Variants in MAL2 observed in about 807,000 individuals in gnomAD.
MAL2 encodes the protein mal, T cell differentiation protein 2, also known as protein MAL2.
Under a neutral mutation model 18.1 loss-of-function variants are expected in MAL2, and 17 were observed. The observed-to-expected ratio is 0.94, with a 90% CI of 0.64 to 1.41. MAL2 has a LOEUF of 1.41. Ranked by LOEUF, MAL2 falls within the 40% of genes most tolerant of loss-of-function variation. The pLI is 0.00. For missense variants in MAL2, 222 were observed against 231.9 expected, an observed-to-expected ratio of 0.96 and a Z score of 0.28; for synonymous variants, 102 against 102.3, an observed-to-expected ratio of 1.00 and a Z score of 0.02.
At chr8:119,220,093 G>A (rs1208383887) in intron 1 of MAL2, among the ~76,000 whole-genome samples, 1 of 152,196 alleles carries the variant, frequency 6.6e-6, no homozygotes, top group Admixed American at 6.5e-5. Flanking sequence ...GATCACAAAT[G>A]GCTTGGAATG....
At chr8:119,241,174 T>C (rs1468416239) in intron 3 of MAL2, among the ~76,000 whole-genome samples, 1 of 152,142 alleles carries the variant, frequency 6.6e-6, no homozygotes, top group African/African-American at 2.4e-5. Context: ...GACAGGAATA[T>C]TTCATGTAAG....
intron 2 of MAL2, among the ~76,000 whole-genome samples, chr8:119,226,575 C>T (rs1817600532): frequency 6.6e-6 from 1 of 151,768 alleles, no homozygotes; most frequent in South Asian, 2.1e-4. Flanking sequence ...GTGGGCAGTG[C>T]TCTGGGGTGT....
intron 1 of MAL2, chr8:119,215,597 C>T (rs568041795): frequency 3.9e-5 from 6 of 152,248 alleles, no homozygotes; most frequent in South Asian, 4.1e-4. Flanking sequence ...GTGGAAGCAC[C>T]GAGGGATGGC....
In MAL2 at chr8:119,208,456, G is replaced by T; in HGVS notation, c.-17G>T. 1 of 1,223,346 alleles carries T rather than the reference G, an allele frequency of 8.2e-7. No homozygotes were observed. The allele number at this position is 1,223,346 out of a possible 1,614,324, so 75.8% of individuals were successfully genotyped here. A position where few individuals can be genotyped will look rare whatever the true frequency, so the allele number is the denominator to read the frequency against. ...GGCGGCGGCGGCGCGCGGAGACGCA[G>T]CAGCGGCAGCGGCAGCATGTCGGCC... On this transcript the variant is annotated 5_prime_UTR_variant, in exon 1 of 4. Transcript: ENST00000614891. The surrounding 1 kb of genome is among the most constrained non-coding windows in gnomAD (Gnocchi z 4.3).
At chr8:119,216,011 T>C (rs1817347116) in intron 1 of MAL2, among the ~76,000 whole-genome samples, 1 of 152,170 alleles carries the variant, frequency 6.6e-6, no homozygotes, top group Non-Finnish European at 1.5e-5. Context: ...TTTTTTTTTC[T>C]AGCTGATAAA....
intron 2 of MAL2, among the ~76,000 whole-genome samples, chr8:119,235,183 G>A (rs1453694041): frequency 2.6e-5 from 4 of 152,172 alleles, no homozygotes; most frequent in Non-Finnish European, 4.4e-5. Flanking sequence ...AGGAGCGAAT[G>A]CGATCAACTG....
intron 2 of MAL2, among the ~76,000 whole-genome samples, chr8:119,235,466 C>A (rs1193619782): frequency 6.6e-6 from 1 of 151,738 alleles, no homozygotes; most frequent in African/African-American, 2.4e-5. Flanking sequence ...AGATACTCCT[C>A]GAGAAGAGCA....
intron 2 of MAL2, among the ~76,000 whole-genome samples, chr8:119,234,172 C>T (rs1817813017): frequency 6.6e-6 from 1 of 152,204 alleles, no homozygotes; most frequent in Admixed American, 6.5e-5. Flanking sequence ...AGAGAGTTCC[C>T]TTTCCGAGTC....
At chr8:119,234,166 A>G (rs1817812701) in intron 2 of MAL2, among the ~76,000 whole-genome samples, 1 of 152,192 alleles carries the variant, frequency 6.6e-6, no homozygotes, top group African/African-American at 2.4e-5. Context: ...GGGGTCAGAG[A>G]GTTCCCTTTC....
intron 1 of MAL2, among the ~76,000 whole-genome samples, chr8:119,211,451 C>T (rs1369760017): frequency 1.3e-5 from 2 of 152,180 alleles, no homozygotes; most frequent in Non-Finnish European, 1.5e-5. Context: ...ACTGGGCTAT[C>T]AACAGTTGAC....
intron 2 of MAL2, among the ~76,000 whole-genome samples, chr8:119,238,894 A>G (rs1360481259): frequency 6.6e-6 from 1 of 151,888 alleles, no homozygotes; most frequent in Non-Finnish European, 1.5e-5. Flanking sequence ...AAACACCAAA[A>G]GCAATGGCAA....
chr8:119,240,981 ATTG>A (rs1473903677), intron 3 of MAL2, among the ~76,000 whole-genome samples: 1 of 152,192 alleles, frequency 6.6e-6, no homozygotes, highest in East Asian at 1.9e-4. Flanking sequence ...GTTAGAGATC[ATTG>A]TTAAGATGTC....
chr8:119,232,310 G>A (rs1446719408), intron 2 of MAL2, among the ~76,000 whole-genome samples: 1 of 152,042 alleles, frequency 6.6e-6, no homozygotes, highest in Non-Finnish European at 1.5e-5. Context: ...GTTAATATTT[G>A]TCTGGCTTCA....
chr8:119,208,711 T>C lies in MAL2; in HGVS notation c.132+107T>C. The C allele has an allele frequency of 8.3e-7, 1 of 1,209,888 alleles. No individual in the cohort carries two copies. The highest frequency in any genetic ancestry group is 1.0e-6 in the Non-Finnish European group (1 of 973,116). 74.9% of individuals were successfully genotyped at this position (1,209,888 alleles called of 1,614,324 possible). On this transcript the variant is annotated intron_variant, in intron 1 of 3. Transcript: ENST00000614891. This position sits in a 1 kb window ranked among gnomAD's most constrained non-coding sequence, Gnocchi z 4.3. ...TGCGTCCGCCCCCGGCCTCCTTCCC[T>C]TCGACGTGGCTTTGTCCTGCGCTCC...
chr8:119,208,674 G>T lies in MAL2; in HGVS notation c.132+70G>T, dbSNP rs938490268. ...AGGCGGCGGCATCCTTGTCCCCCGG[G>T]CTGTCTTCCTCTGCGTCCGCCCCCG... On this transcript the variant is annotated intron_variant, in intron 1 of 3. Transcript: ENST00000614891. The surrounding 1 kb of genome is among the most constrained non-coding windows in gnomAD (Gnocchi z 4.3). The T allele has an allele frequency of 1.5e-5, 19 of 1,233,946 alleles. No individual in the cohort carries two copies. The highest frequency in any genetic ancestry group is 1.8e-5 in the Non-Finnish European group (18 of 986,666). The allele number at this position is 1,233,946 out of a possible 1,614,324, so 76.4% of individuals were successfully genotyped here.
At chr8:119,234,686 C>G (rs1817835279) in intron 2 of MAL2, among the ~76,000 whole-genome samples, 1 of 151,806 alleles carries the variant, frequency 6.6e-6, no homozygotes, top group African/African-American at 2.4e-5. Context: ...GAGGCACCCC[C>G]CAGCAGGGGC....
At chr8:119,213,256 T>G (rs907183778) in intron 1 of MAL2, among the ~76,000 whole-genome samples, 49 of 152,174 alleles carry the variant, frequency 3.2e-4, no homozygotes, top group African/African-American at 1.2e-3. Context: ...GGAGGGACTT[T>G]AGGGGAGGCA....
intron 2 of MAL2, among the ~76,000 whole-genome samples, chr8:119,222,559 G>A (rs1587126104): frequency 1.3e-5 from 2 of 151,360 alleles, no homozygotes; most frequent in Middle Eastern, 6.9e-3. Flanking sequence ...CAAGTGCAGT[G>A]GCTCATGCCT....
intron 1 of MAL2, among the ~76,000 whole-genome samples, chr8:119,211,647 T>C (rs1444929787): frequency 6.6e-6 from 1 of 151,588 alleles, no homozygotes; most frequent in East Asian, 1.9e-4. Flanking sequence ...AAAAGCATTA[T>C]AGCACTGGCT....
Sources: allele counts gnomAD v4.1 joint callset (sites outside exome capture counted in the v4.1 genomes callset), GRCh38; gene constraint gnomAD v4.1.1; non-coding constraint Gnocchi (gnomAD v3.1); transcripts MANE v1.5; gene names NCBI Gene and HGNC (gene_info 2026-07-23, HGNC 2026-07-21).